YBEY: variants seen among roughly 807,000 people sequenced by gnomAD.
YBEY encodes ybeY metalloendoribonuclease.
In YBEY, 15 loss-of-function variants were observed where a neutral mutation model predicts 13.5. That is an observed-to-expected ratio of 1.11 (90% confidence interval 0.75 to 1.72). The LOEUF (loss-of-function observed/expected upper bound fraction) is 1.72, where lower values mean the gene tolerates loss of function less well. Among genes scored for constraint, YBEY ranks in the 40% most tolerant of loss-of-function variants. The probability of loss-of-function intolerance (pLI) is 0.00; values close to 1 mark genes in which losing one functional copy is unlikely to be tolerated. For missense variants in YBEY, 244 were observed against 208.4 expected, an observed-to-expected ratio of 1.17 and a Z score of -1.05; for synonymous variants, 101 against 83.1, an observed-to-expected ratio of 1.21 and a Z score of -1.17.
chr21:46,308,767 A>G, the YBEY span, among the ~76,000 whole-genome samples: 1 of 152,300 alleles, frequency 6.6e-6, no homozygotes, highest in Middle Eastern at 3.4e-3. Context: ...GCCTTTATGA[A>G]TGGATTAATG....
At chr21:46,302,477 A>G (rs1556337), downstream of YBEY, 1,083,720 of 1,596,832 alleles carry the variant, frequency 0.68, 373,867 homozygotes, top group Non-Finnish European at 0.71. Context: ...GCTGGGGGCT[A>G]AGCCTACCTG....
At chr21:46,302,657 G>C, downstream of YBEY, 1 of 1,104,550 alleles carries the variant, frequency 9.1e-7, no homozygotes, top group Non-Finnish European at 1.3e-6. Flanking sequence ...TATAGGACCA[G>C]AGAACAGGTG....
downstream of YBEY, chr21:46,302,112 G>T: frequency 6.6e-7 from 1 of 1,525,644 alleles, no homozygotes; most frequent in Non-Finnish European, 8.8e-7. Flanking sequence ...GGCAGCCTTG[G>T]CCTGGCAGCT....
rs556104043 is a variant in YBEY at position 46,288,903 on chromosome 21, C to T, written c.210+1780C>T. ...CGGGCATGGTGGTGTGCAGAGCTGTCGTCCCAGCTACTCAGGAGGCTAAGG... is the reference window on the plus strand; with the variant it reads ...CGGGCATGGTGGTGTGCAGAGCTGTTGTCCCAGCTACTCAGGAGGCTAAGG... On this transcript the variant is annotated intron_variant, in intron 2 of 4. Transcript: ENST00000397701. 4.6e-5 allele frequency among the ~76,000 whole-genome samples: 7 copies of T among 151,630 alleles called. No homozygotes were observed. The East Asian group carries it at 9.8e-4, about 21-fold the overall frequency.
intron 2 of YBEY, among the ~76,000 whole-genome samples, chr21:46,288,610 C>T (rs777642391): frequency 1.3e-5 from 2 of 151,418 alleles, no homozygotes; most frequent in Non-Finnish European, 2.9e-5. Flanking sequence ...ACCAGGAAGT[C>T]GGAGGTTGCA....
downstream of YBEY, chr21:46,300,702 G>T: frequency 7.8e-6 from 10 of 1,285,606 alleles, no homozygotes; most frequent in Non-Finnish European, 1.0e-5. Context: ...CAACTCTCTG[G>T]TCATCCTGTC....
chr21:46,301,788 C>A, downstream of YBEY: 1 of 1,239,732 alleles, frequency 8.1e-7, no homozygotes, highest in Non-Finnish European at 1.0e-6. Context: ...GCAGGGGACC[C>A]GGAGCAAGGG....
the YBEY span, chr21:46,311,385 C>T: frequency 1.1e-6 from 1 of 893,494 alleles, no homozygotes; most frequent in Non-Finnish European, 1.7e-6. Flanking sequence ...GACTGTCCTG[C>T]TTCCAGGAAC....
downstream of YBEY, among the ~76,000 whole-genome samples, chr21:46,298,662 C>T (rs1014520266): frequency 1.3e-5 from 2 of 151,872 alleles, no homozygotes; most frequent in African/African-American, 2.4e-5. Context: ...ATCTCCTGAC[C>T]TCGTGATCCG....
chr21:46,291,975 G>T (rs931167197), intron 3 of YBEY: 8 of 463,604 alleles, frequency 1.7e-5, no homozygotes, highest in Non-Finnish European at 2.3e-5. Context: ...ATCTCCCAGA[G>T]AACTCAGAGG....
At chr21:46,292,427 G>A (rs143908416) in intron 3 of YBEY, among the ~76,000 whole-genome samples, 135 of 152,268 alleles carry the variant, frequency 8.9e-4, no homozygotes, top group African/African-American at 3.2e-3. Flanking sequence ...AGGTGGCTTC[G>A]GTCTTGAGCA....
rs745400792 is a variant in YBEY at position 46,297,531 on chromosome 21, C to G, written c.409-8C>G. 10 of 1,376,598 alleles carry G rather than the reference C, an allele frequency of 7.3e-6. No homozygotes were observed. The South Asian group carries it at 1.5e-4, about 21-fold the overall frequency. The allele number at this position is 1,376,598 out of a possible 1,614,324, so 85.3% of individuals were successfully genotyped here. ...CTGGGGAGGGCCAGCGCGCTTCCTTCCTTCCAGATGTTCCAGAAGGAGAAG... is the reference window on the plus strand; with the variant it reads ...CTGGGGAGGGCCAGCGCGCTTCCTTGCTTCCAGATGTTCCAGAAGGAGAAG... On this transcript the variant is annotated splice_region_variant and splice_polypyrimidine_tract_variant and intron_variant, in intron 4 of 4. Transcript: ENST00000397701.
chr21:46,306,874 C>T, the YBEY span, among the ~76,000 whole-genome samples: 3 of 151,838 alleles, frequency 2.0e-5, no homozygotes, highest in Non-Finnish European at 4.4e-5. Flanking sequence ...AGGTGTGAGC[C>T]GCTGTGCCCG....
At chr21:46,308,704 T>A in the YBEY span, among the ~76,000 whole-genome samples, 81,151 of 151,842 alleles carry the variant, frequency 0.53, 23,267 homozygotes, top group Non-Finnish European at 0.63. Context: ...ATCCTCAATG[T>A]GGCAGTATTG....
At chr21:46,305,720 A>G in the YBEY span, among the ~76,000 whole-genome samples, 136 of 150,928 alleles carry the variant, frequency 9.0e-4, no homozygotes, top group Admixed American at 1.4e-3. Flanking sequence ...TGGGCGGATC[A>G]TGAGGTTAGA....
the YBEY span, among the ~76,000 whole-genome samples, chr21:46,303,729 ATATATATATATATATATTTTTTTTTTTT>A: frequency 1.1e-4 from 3 of 27,182 alleles, no homozygotes; most frequent in East Asian, 6.1e-4. Flanking sequence ...ATATATATAT[ATATATATATATATATATTTTTTTTTTTT>A]TTTTTTTTTT....
intron 2 of YBEY, among the ~76,000 whole-genome samples, chr21:46,288,047 G>T (rs115005191): frequency 6.6e-6 from 1 of 151,832 alleles, no homozygotes; most frequent in East Asian, 1.9e-4. Flanking sequence ...GGTGACTAGC[G>T]TCCACCCCCC....
Position 46,286,404 on chromosome 21 carries a change from G to C in YBEY, c.-56G>C, listed in dbSNP as rs1734886122. 1 of 155,810 alleles carries C rather than the reference G, an allele frequency of 6.4e-6. No homozygotes were observed. The highest frequency in any genetic ancestry group is 1.4e-5 in the Non-Finnish European group (1 of 70,342). The allele number at this position is 155,810 out of a possible 1,614,324, so 9.7% of individuals were successfully genotyped here. A position where few individuals can be genotyped will look rare whatever the true frequency, so the allele number is the denominator to read the frequency against. ...CGCCCGCTCTCGCGTCCTTTGCTGG[G>C]TCCAGACACCGGTACGTCCGGGCGG... is the stretch of plus-strand genomic sequence containing the variant. On this transcript the variant is annotated 5_prime_UTR_variant, in exon 1 of 5. Transcript: ENST00000397701.
At chr21:46,305,473 G>A in the YBEY span, among the ~76,000 whole-genome samples, 94 of 151,924 alleles carry the variant, frequency 6.2e-4, no homozygotes, top group African/African-American at 2.2e-3. Flanking sequence ...GGGACCACAG[G>A]CACATGCCAC....
Sources: allele counts gnomAD v4.1 joint callset (sites outside exome capture counted in the v4.1 genomes callset), GRCh38; gene constraint gnomAD v4.1.1; transcripts MANE v1.5; gene names NCBI Gene and HGNC (gene_info 2026-07-23, HGNC 2026-07-21).